CACNA1C: variants seen among roughly 807,000 people sequenced by gnomAD.
CACNA1C encodes calcium voltage-gated channel subunit alpha1 C.
CACNA1C carries 30 observed loss-of-function variants against 229.0 expected under a neutral mutation model. The observed-to-expected ratio is 0.13, with a 90% CI of 0.10 to 0.18. The LOEUF is 0.18. Ranked by LOEUF, CACNA1C falls within the 10% of genes least tolerant of loss-of-function variation. The pLI, the probability that CACNA1C is intolerant of heterozygous loss-of-function variation, is 1.00. For synonymous variants in CACNA1C, 1,114 were observed against 1,132.5 expected (o/e 0.98, Z 0.33); for missense variants, 1,658 against 2,845.0 (o/e 0.58, Z 9.49).
At chr12:2,213,228 A>G (rs1212089918) in intron 3 of CACNA1C, among the ~76,000 whole-genome samples, 1 of 152,130 alleles carries the variant, frequency 6.6e-6, no homozygotes, top group Non-Finnish European at 1.5e-5. Flanking sequence ...TCTGGAACTG[A>G]GGTTAACGCT....
At chr12:2,015,318 G>A (rs903782217) in intron 1 of CACNA1C, among the ~76,000 whole-genome samples, 3 of 152,174 alleles carry the variant, frequency 2.0e-5, no homozygotes, top group African/African-American at 4.8e-5. Context: ...GACTGTGTTA[G>A]CTTATCCCAG....
At chr12:2,358,479 C>T (rs144679820) in intron 3 of CACNA1C, among the ~76,000 whole-genome samples, 1 of 152,292 alleles carries the variant, frequency 6.6e-6, no homozygotes, top group Non-Finnish European at 1.5e-5. Context: ...CTGGGCCACA[C>T]CTAGTAAGTG....
intron 1 of CACNA1C, among the ~76,000 whole-genome samples, chr12:2,080,271 A>G (rs2064988389): frequency 1.0e-5 from 1 of 99,542 alleles, no homozygotes; most frequent in African/African-American, 4.2e-5. Flanking sequence ...CAAACAAAAA[A>G]CAAAAACAAA....
chr12:2,166,189 T>C lies in CACNA1C; in HGVS notation c.477+45759T>C, dbSNP rs576411168. 1.5e-4 allele frequency among the ~76,000 whole-genome samples: 23 copies of C among 152,220 alleles called. 1 individual carries two copies. Among genetic ancestry groups the C allele is most frequent in the Admixed American group, 4.6e-4 (7 of 15,280 alleles). ...CAGCAAACATTCTGTGCTGCTGGGA[T>C]GATGGGCTTCTGTGCCATGTTTACC... On this transcript the variant is annotated intron_variant, in intron 3 of 46. Transcript: ENST00000399655.
chr12:2,477,852 TA>T (rs2099638493), intron 5 of CACNA1C, among the ~76,000 whole-genome samples: 1 of 151,970 alleles, frequency 6.6e-6, no homozygotes. Flanking sequence ...TACCCCATCA[TA>T]AAAAGCACCA....
intron 1 of CACNA1C, among the ~76,000 whole-genome samples, chr12:2,020,935 C>G (rs976064437): frequency 5.3e-5 from 8 of 152,176 alleles, no homozygotes; most frequent in Non-Finnish European, 1.2e-4. Flanking sequence ...CTACCAGTAA[C>G]TTCTGCTCAG....
chr12:2,252,466 G>A (rs1269408924), intron 3 of CACNA1C, among the ~76,000 whole-genome samples: 1 of 152,206 alleles, frequency 6.6e-6, no homozygotes, highest in Admixed American at 6.5e-5. Flanking sequence ...TGAGTGGAAG[G>A]TGGAAGGACA....
intron 3 of CACNA1C, among the ~76,000 whole-genome samples, chr12:2,441,106 G>A (rs1596347995): frequency 1.3e-5 from 2 of 152,214 alleles, no homozygotes; most frequent in African/African-American, 4.8e-5. Flanking sequence ...TTTGCACCTT[G>A]TACTGAGATG....
At position 2,097,367 on chromosome 12, in the gene CACNA1C, C is replaced by G. The variant is rs956813595; in HGVS notation, c.50-17857C>G. ...TTCACCATGTTAGCCAGGATAGTCTCGATCTCCTGACCTTGTGATCCGCCC... is the reference window on the plus strand; with the variant it reads ...TTCACCATGTTAGCCAGGATAGTCTGGATCTCCTGACCTTGTGATCCGCCC... On this transcript the variant is annotated intron_variant, in intron 1 of 46. Transcript: ENST00000399655. 7.9e-5 allele frequency among the ~76,000 whole-genome samples: 12 copies of G among 151,978 alleles called. 1 individual carries two copies.
At chr12:2,634,568 T>C (rs2092065343) in intron 30 of CACNA1C, among the ~76,000 whole-genome samples, 188 bp downstream of exon 30, 1 of 151,988 alleles carries the variant, frequency 6.6e-6, no homozygotes, top group African/African-American at 2.4e-5. Flanking sequence ...TTTTTTTTTT[T>C]TAACTTTGGA....
chr12:2,560,910 G>A (rs1361042837), intron 11 of CACNA1C, among the ~76,000 whole-genome samples: 1 of 150,922 alleles, frequency 6.6e-6, no homozygotes, highest in African/African-American at 2.4e-5. Context: ...AGCCTGCAGG[G>A]CCCATCATTT....
At chr12:1,975,029 A>G (rs548772475) in intron 1 of CACNA1C, among the ~76,000 whole-genome samples, 2 of 152,308 alleles carry the variant, frequency 1.3e-5, no homozygotes, top group South Asian at 2.1e-4. Context: ...GCCTAACTAT[A>G]AAACACATGA....
intron 3 of CACNA1C, among the ~76,000 whole-genome samples, chr12:2,413,715 G>C (rs2098834141): frequency 6.6e-6 from 1 of 152,116 alleles, no homozygotes; most frequent in African/African-American, 2.4e-5. Context: ...GGTCCCCAAA[G>C]CCAACCTGAC....
chr12:2,274,766 C>T (rs1450030618), intron 3 of CACNA1C, among the ~76,000 whole-genome samples: 13 of 152,152 alleles, frequency 8.5e-5, no homozygotes, highest in Admixed American at 2.6e-4. Context: ...GCTCTTTCCA[C>T]GGTATGGTCT....
chr12:2,513,687 T>A (rs2099789988), intron 9 of CACNA1C, among the ~76,000 whole-genome samples: 1 of 152,212 alleles, frequency 6.6e-6, no homozygotes, highest in Non-Finnish European at 1.5e-5. Flanking sequence ...TCATGAAAAT[T>A]CAGGCTCTTA....
intron 3 of CACNA1C, among the ~76,000 whole-genome samples, chr12:2,349,172 T>A (rs2097134974): frequency 1.3e-5 from 2 of 152,196 alleles, no homozygotes. Context: ...GGGTCTGCTC[T>A]AATAGCATGT....
At chr12:2,031,776 A>G (rs551649027) in intron 1 of CACNA1C, among the ~76,000 whole-genome samples, 11 of 152,304 alleles carry the variant, frequency 7.2e-5, no homozygotes, top group African/African-American at 2.6e-4. Context: ...TAGATGGCTC[A>G]GTGGCTTTCT....
At chr12:2,038,699 C>A (rs551675209) in intron 1 of CACNA1C, among the ~76,000 whole-genome samples, 4 of 152,158 alleles carry the variant, frequency 2.6e-5, no homozygotes, top group Non-Finnish European at 5.9e-5. Context: ...TTTTGCCGGG[C>A]AGCTTTGACA....
intron 3 of CACNA1C, among the ~76,000 whole-genome samples, chr12:2,357,676 A>AAG (rs1308481414): frequency 6.6e-6 from 1 of 151,538 alleles, no homozygotes; most frequent in East Asian, 1.9e-4. Context: ...AAAAAAAAAA[A>AAG]AAAAAAGGAA....
Sources: allele counts gnomAD v4.1 joint callset (sites outside exome capture counted in the v4.1 genomes callset), GRCh38; gene constraint gnomAD v4.1.1; transcripts MANE v1.5; gene names NCBI Gene and HGNC (gene_info 2026-07-23, HGNC 2026-07-21).